Variants in CFAP251 observed in about 807,000 individuals in gnomAD.
CFAP251 encodes cilia and flagella associated protein 251.
In CFAP251, 93 loss-of-function variants were observed where a neutral mutation model predicts 126.7. The ratio of observed to expected loss-of-function variants is 0.73; its 90% CI spans 0.62 to 0.87. The LOEUF (loss-of-function observed/expected upper bound fraction) is 0.87, where lower values mean the gene tolerates loss of function less well. Ranked by LOEUF, CFAP251 falls within the 40% of genes least tolerant of loss-of-function variation. The pLI, the probability that CFAP251 is intolerant of heterozygous loss-of-function variation, is 0.00. For missense variants in CFAP251, 1,287 were observed against 1,389.2 expected, an observed-to-expected ratio of 0.93 and a Z score of 1.17; for synonymous variants, 503 against 506.9, an observed-to-expected ratio of 0.99 and a Z score of 0.10.
At chr12:121,976,050 G>A (rs570798101) in intron 19 of CFAP251, among the ~76,000 whole-genome samples, 12 of 147,444 alleles carry the variant, frequency 8.1e-5, no homozygotes, top group East Asian at 2.0e-4. Flanking sequence ...CCTCTGTCAC[G>A]CAGGTTGGAC....
intron 2 of CFAP251, 82 bp downstream of exon 2, chr12:121,921,765 C>A: frequency 2.6e-5 from 32 of 1,250,012 alleles, no homozygotes; most frequent in Non-Finnish European, 3.1e-5. Flanking sequence ...TATGGGAACA[C>A]AAAACCAAAT....
intron 17 of CFAP251, chr12:121,969,695 C>A: frequency 1.1e-6 from 1 of 937,468 alleles, no homozygotes; most frequent in Non-Finnish European, 1.3e-6. Flanking sequence ...CACACCAAGC[C>A]TAGGCTGGTC....
intron 5 of CFAP251, among the ~76,000 whole-genome samples, chr12:121,937,217 C>G (rs1447264193): frequency 6.6e-6 from 1 of 152,148 alleles, no homozygotes. Flanking sequence ...AGGCCTCTCC[C>G]CTTGCTTCTG....
At chr12:121,998,861 G>T (rs1042110842) in intron 19 of CFAP251, 8 of 124,916 alleles carry the variant, frequency 6.4e-5, no homozygotes, top group Non-Finnish European at 1.6e-5. Flanking sequence ...CTGCACTCCA[G>T]TCTGGGTCAA....
chr12:121,957,426 C>G (rs563825969), intron 11 of CFAP251, among the ~76,000 whole-genome samples, 158 bp downstream of exon 11: 1 of 152,084 alleles, frequency 6.6e-6, no homozygotes, highest in Non-Finnish European at 1.5e-5. Context: ...AACATAAGGC[C>G]GGGCGTGGTG....
Position 121,989,614 on chromosome 12 carries a change from G to A in CFAP251, c.3007-10102G>A, listed in dbSNP as rs1044918201. Among the ~76,000 whole-genome samples the A allele has an allele frequency of 6.6e-6, 1 of 152,236 alleles. No homozygotes were observed. The highest frequency in any genetic ancestry group is 1.5e-5 in the Non-Finnish European group (1 of 68,028). ...CCGGGTCAGCGAGGAGATGCAGGGG[G>A]TGACCAGGGGAGGGTATGAGTGAAG... On this transcript the variant is annotated intron_variant, in intron 19 of 21. Coordinates refer to ENST00000288912, the MANE Select transcript of CFAP251 (RefSeq NM_144668.6). This position sits in a 1 kb window ranked among gnomAD's most constrained non-coding sequence, Gnocchi z 4.2.
In CFAP251 at chr12:121,945,062, C is replaced by T. The variant is rs374043720; in HGVS notation, c.1191+2087C>T. Among the ~76,000 whole-genome samples, 7 of 152,118 alleles carry T rather than the reference C, an allele frequency of 4.6e-5. No individual in the cohort carries two copies. In the South Asian group the frequency reaches 8.3e-4, roughly 18 times the overall value. ...CCTCCCAAAGTGTTGGGATTACAGGCGTGAGCCACCACACCTGGCCCTCTT... is the reference window on the plus strand; with the variant it reads ...CCTCCCAAAGTGTTGGGATTACAGGTGTGAGCCACCACACCTGGCCCTCTT... On this transcript the variant is annotated intron_variant, in intron 7 of 21. Transcript: ENST00000288912.
At chr12:121,932,225 C>T (rs370226825) in intron 4 of CFAP251, 197 of 160,310 alleles carry the variant, frequency 1.2e-3, no homozygotes, top group African/African-American at 4.3e-3. Context: ...GCCGACCTCA[C>T]GGACACTTAC....
rs1485058171 is a variant in CFAP251 at position 121,921,411 on chromosome 12, C to G, written c.106C>G (p.Pro36Ala). 1.2e-6 allele frequency: 2 copies of G among 1,612,804 alleles called. No individual in the cohort carries two copies. The highest frequency in any genetic ancestry group is 1.7e-6 in the Non-Finnish European group (2 of 1,179,818). Residue 36 changes from proline to alanine, a missense_variant, in exon 2 of 22, where the codon CCA (proline) becomes GCA (alanine). Pro to Ala is a conservative substitution (Grantham distance 27). Transcript: ENST00000288912. Reference protein sequence around the residue: ...PNPNYKEVEDPQQESKDDTIA... With the variant: ...PNPNYKEVEDAQQESKDDTIA... ...TCCAAATTATAAAGAAGTAGAAGATCCACAACAGGAATCAAAAGATGACAC... is the reference window on the plus strand; with the variant it reads ...TCCAAATTATAAAGAAGTAGAAGATGCACAACAGGAATCAAAAGATGACAC...
intron 7 of CFAP251, among the ~76,000 whole-genome samples, chr12:121,946,677 A>T (rs1881338037): frequency 6.6e-6 from 1 of 152,174 alleles, no homozygotes; most frequent in African/African-American, 2.4e-5. Flanking sequence ...TGCTCATTGC[A>T]GCCTTGACCT....
Position 121,936,978 on chromosome 12 carries a change from T to C in CFAP251, c.998+2622T>C, listed in dbSNP as rs555388071. Among the ~76,000 whole-genome samples the C allele has an allele frequency of 4.6e-5, 7 of 152,290 alleles. No homozygotes were observed. In the East Asian group the frequency reaches 7.7e-4, roughly 17 times the overall value. ...GCTCTGGCGTCCACCTGGGCTTCCA[T>C]GCCCGGTCAGCCGTGGTCTGCTGTG... On this transcript the variant is annotated intron_variant, in intron 5 of 21. Transcript: ENST00000288912.
intron 15 of CFAP251, among the ~76,000 whole-genome samples, chr12:121,965,621 A>G (rs562965970): frequency 1.3e-5 from 2 of 152,322 alleles, no homozygotes; most frequent in South Asian, 4.2e-4. Context: ...CTCTCTGTGT[A>G]ATGACGTGGA....
chr12:121,992,135 C>G (rs1882890166), intron 19 of CFAP251: 1 of 906,058 alleles, frequency 1.1e-6, no homozygotes, highest in Non-Finnish European at 1.3e-6. Flanking sequence ...ACCAGTGCGT[C>G]TGGGCCGCTC....
intron 10 of CFAP251, among the ~76,000 whole-genome samples, chr12:121,956,715 C>T (rs1305834981): frequency 6.6e-6 from 1 of 152,130 alleles, no homozygotes; most frequent in Non-Finnish European, 1.5e-5. Flanking sequence ...AGACTGGTCT[C>T]GAACTCCTGA....
chr12:121,970,837 C>T (rs968613094), intron 17 of CFAP251, among the ~76,000 whole-genome samples: 3 of 152,232 alleles, frequency 2.0e-5, no homozygotes, highest in African/African-American at 7.2e-5. Context: ...TTTCCTTACT[C>T]AGCAGGAAGA....
chr12:121,973,319 T>C (rs1192172474), intron 17 of CFAP251, among the ~76,000 whole-genome samples: 1 of 152,208 alleles, frequency 6.6e-6, no homozygotes, highest in Admixed American at 6.5e-5. Context: ...AGAAGGTGTA[T>C]GGAAACACCT....
Position 121,992,527 on chromosome 12 carries a change from C to T in CFAP251, c.3007-7189C>T, listed in dbSNP as rs534019208. 181 of 971,336 alleles carry T rather than the reference C, an allele frequency of 1.9e-4. No homozygotes were observed. In the African/African-American group the frequency reaches 3.1e-3, roughly 17 times the overall value. 60.2% of individuals were successfully genotyped at this position (971,336 alleles called of 1,614,324 possible). ...TCTCCTGTTCTGAACTGAGTTAAAT[C>T]ATATATTACATTGGTAATTTATATA... On this transcript the variant is annotated intron_variant, in intron 19 of 21. Coordinates refer to ENST00000288912, the MANE Select transcript of CFAP251 (RefSeq NM_144668.6).
chr12:122,002,941 A>G (rs1238669474), intron 21 of CFAP251, among the ~76,000 whole-genome samples: 10 of 152,192 alleles, frequency 6.6e-5, no homozygotes, highest in Non-Finnish European at 1.3e-4. Flanking sequence ...AGATAATTTC[A>G]GACTCCAGTA....
At chr12:121,928,664 ATATACGTATATATATATATATATACG>A in intron 3 of CFAP251, among the ~76,000 whole-genome samples, 1 of 45,790 alleles carries the variant, frequency 2.2e-5, no homozygotes, top group East Asian at 3.8e-4. Flanking sequence ...ATACGTATAT[ATATACGTATATATATATATATATACG>A]TATATATATA....
Sources: allele counts gnomAD v4.1 joint callset (sites outside exome capture counted in the v4.1 genomes callset), GRCh38; gene constraint gnomAD v4.1.1; non-coding constraint Gnocchi (gnomAD v3.1); transcripts MANE v1.5; gene names NCBI Gene and HGNC (gene_info 2026-07-23, HGNC 2026-07-21).